Variants in CASK observed in about 807,000 individuals in gnomAD.
The protein encoded by CASK is peripheral plasma membrane protein CASK.
CASK carries 4 observed loss-of-function variants against 82.9 expected under a neutral mutation model. The observed-to-expected ratio is 0.05, with a 90% CI of 0.02 to 0.11. The LOEUF (loss-of-function observed/expected upper bound fraction) is 0.11. Ranked by LOEUF, CASK falls within the 10% of genes least tolerant of loss-of-function variation. CASK has a pLI of 1.00. For missense variants in CASK, 358 were observed against 720.9 expected (o/e 0.50, Z 5.76); for synonymous variants, 259 against 253.5 (o/e 1.02, Z -0.20).
At chrX:41,523,854 G>T in intron 26 of CASK, 97 bp downstream of exon 26, 1 of 644,455 alleles carries the variant, frequency 1.6e-6, no homozygotes, top group Non-Finnish European at 2.5e-6. Context: ...CATCAGAGCA[G>T]CCTTGCTGCA....
chrX:41,841,527 T>G (rs767124623), intron 2 of CASK, among the ~76,000 whole-genome samples: 5 of 104,915 alleles, frequency 4.8e-5, no homozygotes, highest in African/African-American at 1.4e-4. Flanking sequence ...TTTTTTTTTT[T>G]GGGTGGGGGG....
intron 14 of CASK, among the ~76,000 whole-genome samples, chrX:41,582,907 T>C (rs970624092): frequency 1.8e-5 from 2 of 111,866 alleles, no homozygotes; most frequent in Non-Finnish European, 1.9e-5. Context: ...TATTGCCATA[T>C]GAAATTATCT....
In CASK at chrX:41,870,420, T is replaced by C. The variant is rs764766143; in HGVS notation, c.60-17193A>G. On this transcript the variant is annotated intron_variant, in intron 1 of 26. Transcript: ENST00000378163. ...AGTAAACTTAAGACAATACAGAGAG[T>C]TTGTCATAGCAGATCCACACTACAC... 2.8e-5 allele frequency among the ~76,000 whole-genome samples: 3 copies of C among 108,685 alleles called. No individual in the cohort carries two copies. The East Asian group carries it at 8.6e-4, about 31-fold the overall frequency. The allele number at this position is 108,685 out of a possible 115,157, so 94.4% of individuals were successfully genotyped here.
At chrX:41,875,718 T>C (rs1473116475) in intron 1 of CASK, among the ~76,000 whole-genome samples, 1 of 111,179 alleles carries the variant, frequency 9.0e-6, no homozygotes, top group Non-Finnish European at 1.9e-5. Context: ...TGTACTTCAA[T>C]ACCAGTACAA....
At chrX:41,780,638 CTATTAT>C (rs980382908) in intron 3 of CASK, among the ~76,000 whole-genome samples, 1 of 111,144 alleles carries the variant, frequency 9.0e-6, no homozygotes, top group Non-Finnish European at 1.9e-5. Flanking sequence ...TAGATATCAA[CTATTAT>C]TATTATTATT....
Position 41,534,903 on chromosome X carries a change from T to G in CASK, c.2226A>C (p.Leu742=). The change falls in exon 23 of 27, where the codon CTA becomes CTC. Residue 742 remains leucine (L), a synonymous_variant. Transcript: ENST00000378163. ...CACAATCAAACTTACCTAATAAGAC[T>G]AGTGTTTTCCTCTTGAATGCTGGCA... is the stretch of plus-strand genomic sequence containing the variant. ...VKLPAFKRKT[L]VLLGAHGVGR... 8.4e-7 allele frequency: 1 copy of G among 1,189,142 alleles called. No homozygotes were observed. The highest frequency in any genetic ancestry group is 1.1e-6 in the Non-Finnish European group (1 of 874,906).
rs12010178 is a variant in CASK at position 41,769,449 on chromosome X, A to G, written c.278+17729T>C. On this transcript the variant is annotated intron_variant, in intron 3 of 26. Transcript: ENST00000378163. ...GGCTCAAAAGGGAAAATGAGTGAGAATTCAAGAGAATCTGATAAACTCTAC... is the reference window on the plus strand; with the variant it reads ...GGCTCAAAAGGGAAAATGAGTGAGAGTTCAAGAGAATCTGATAAACTCTAC... 9.0e-3 allele frequency among the ~76,000 whole-genome samples: 1,000 copies of G among 110,639 alleles called. 13 individuals are homozygous for G. The highest frequency in any genetic ancestry group is 0.032 in the African/African-American group (963 of 30,418).
At chrX:41,835,618 G>T (rs764055950) in intron 2 of CASK, among the ~76,000 whole-genome samples, 1 of 111,745 alleles carries the variant, frequency 8.9e-6, no homozygotes, top group Non-Finnish European at 1.9e-5. Context: ...CGTTGATATT[G>T]GGGATTATGG....
intron 3 of CASK, among the ~76,000 whole-genome samples, chrX:41,766,933 T>C (rs193241769): frequency 9.4e-4 from 105 of 111,486 alleles, no homozygotes; most frequent in African/African-American, 3.2e-3. Flanking sequence ...TCAGTACTTA[T>C]CTCCAAAAGG....
chrX:41,581,638 T>G (rs937899406), intron 14 of CASK, among the ~76,000 whole-genome samples: 1 of 110,176 alleles, frequency 9.1e-6, no homozygotes, highest in Non-Finnish European at 1.9e-5. Context: ...TATTTCCCCT[T>G]AGCTATTAAT....
chrX:41,732,528 C>T (rs983647458), intron 5 of CASK, among the ~76,000 whole-genome samples: 2 of 110,698 alleles, frequency 1.8e-5, no homozygotes, highest in African/African-American at 3.3e-5. Flanking sequence ...TGGTAATCTG[C>T]TAAGCATAAG....
intron 3 of CASK, among the ~76,000 whole-genome samples, chrX:41,769,697 T>A (rs1236620510): frequency 9.0e-6 from 1 of 111,011 alleles, no homozygotes; most frequent in Non-Finnish European, 1.9e-5. Context: ...GCCTGTAATC[T>A]CAGCACTCTG....
rs144262453 is a variant in CASK at position 41,854,187 on chromosome X, C to T, written c.60-960G>A. The stretch of plus-strand genomic sequence containing the variant: ...TGAGATGATTTAAAGATGCCCATAC[C>T]CTGGTCCAGGGAACATGCGCGCGCG... On this transcript the variant is annotated intron_variant, in intron 1 of 26. Coordinates refer to ENST00000378163, the MANE Select transcript of CASK (RefSeq NM_001367721.1). Among the ~76,000 whole-genome samples, 166 of 106,860 alleles carry T rather than the reference C, an allele frequency of 1.6e-3. 2 individuals are homozygous for T. Among genetic ancestry groups the T allele is most frequent in the African/African-American group, 5.5e-3 (162 of 29,369 alleles). The allele number at this position is 106,860 out of a possible 115,157, so 92.8% of individuals were successfully genotyped here.
At chrX:41,858,462 T>G (rs909456058) in intron 1 of CASK, among the ~76,000 whole-genome samples, 2 of 111,967 alleles carry the variant, frequency 1.8e-5, no homozygotes, top group African/African-American at 6.5e-5. Flanking sequence ...GAGGCAGGCA[T>G]CAGGGAGCTG....
intron 8 of CASK, among the ~76,000 whole-genome samples, chrX:41,648,877 T>A (rs1341537095): frequency 1.8e-5 from 2 of 111,644 alleles, no homozygotes; most frequent in Non-Finnish European, 3.8e-5. Context: ...TGTGAATCCA[T>A]CTGGTCCTGG....
intron 5 of CASK, among the ~76,000 whole-genome samples, chrX:41,703,053 T>A (rs779055073): frequency 3.8e-4 from 43 of 112,432 alleles, no homozygotes; most frequent in African/African-American, 1.3e-3. Flanking sequence ...CAGGTGTTGA[T>A]GATACATGGA....
intron 1 of CASK, among the ~76,000 whole-genome samples, chrX:41,870,108 T>C (rs944120253): frequency 5.4e-5 from 6 of 110,931 alleles, no homozygotes; most frequent in African/African-American, 9.8e-5. Flanking sequence ...GATCTTTTTA[T>C]AGAATTTTCA....
intron 2 of CASK, among the ~76,000 whole-genome samples, chrX:41,851,172 C>T (rs1386697074): frequency 5.4e-5 from 6 of 111,805 alleles, no homozygotes; most frequent in East Asian, 2.8e-4. Flanking sequence ...AATATCTATA[C>T]GCTGTGGTCC....
intron 14 of CASK, among the ~76,000 whole-genome samples, chrX:41,582,279 A>C (rs778294566): frequency 9.0e-6 from 1 of 110,980 alleles, no homozygotes; most frequent in Non-Finnish European, 1.9e-5. Flanking sequence ...AAAACTGCAG[A>C]CTCCTTACAA....
Sources: allele counts gnomAD v4.1 joint callset (sites outside exome capture counted in the v4.1 genomes callset), GRCh38; gene constraint gnomAD v4.1.1; transcripts MANE v1.5; gene names NCBI Gene and HGNC (gene_info 2026-07-23, HGNC 2026-07-21).